PGBD5: variants seen among roughly 807,000 people sequenced by gnomAD.
PGBD5 encodes the protein piggyBac transposable element derived 5, also known as piggyBac transposable element-derived protein 5.
Under a neutral mutation model 47.9 loss-of-function variants are expected in PGBD5, and 14 were observed. That is an observed-to-expected ratio of 0.29 (90% confidence interval 0.19 to 0.46). PGBD5 has a LOEUF of 0.46. PGBD5 is among the 20% of genes least tolerant of loss of function. PGBD5 has a pLI of 1.00. For missense variants in PGBD5, 635 were observed against 716.0 expected, an observed-to-expected ratio of 0.89 and a Z score of 1.29; for synonymous variants, 316 against 306.3, an observed-to-expected ratio of 1.03 and a Z score of -0.33.
chr1:230,324,368 T>G (rs1312898683), intron 6 of PGBD5, among the ~76,000 whole-genome samples: 1 of 152,244 alleles, frequency 6.6e-6, no homozygotes, highest in Admixed American at 6.5e-5. Flanking sequence ...CAGTACATAG[T>G]AGGTGCTCAG....
At chr1:230,388,415 AT>A (rs1000234500) in intron 1 of PGBD5, among the ~76,000 whole-genome samples, 2,379 of 134,428 alleles carry the variant, frequency 0.018, 24 homozygotes, top group Middle Eastern at 0.039. Context: ...TGTTGGCCAC[AT>A]TTTTTTTTTT....
At position 230,318,536 on chromosome 1, in the gene PGBD5, C is replaced by T. The variant is rs1408582610; in HGVS notation, c.*4889G>A. ...CTGGGGACACTTTCCCTGGCCACTA[C>T]CTTGTGAACTTCTGGGGACTTCTTT... is the stretch of plus-strand genomic sequence containing the variant. On this transcript the variant is annotated 3_prime_UTR_variant, in exon 7 of 7. Transcript: ENST00000391860. 1.6e-4 allele frequency: 25 copies of T among 152,282 alleles called. No homozygotes were observed. The highest frequency in any genetic ancestry group is 1.6e-3 in the Admixed American group (25 of 15,290). The allele number at this position is 152,282 out of a possible 1,614,324, so 9.4% of individuals were successfully genotyped here. A position where few individuals can be genotyped will look rare whatever the true frequency, so the allele number is the denominator to read the frequency against.
rs1666937259 is a variant in PGBD5 at position 230,316,017 on chromosome 1, TGTATGTGTATA to T, written c.*7397_*7407del. ...ACATAAGTATATGTGTACACATATA[TGTATGTGTATA>T]CATACATAAGTATATGTGTACACAT... On this transcript the variant is annotated 3_prime_UTR_variant, in exon 7 of 7. Coordinates refer to ENST00000391860, the MANE Select transcript of PGBD5 (RefSeq NM_001258311.2). 2 of 142,670 alleles carry T rather than the reference TGTATGTGTATA, an allele frequency of 1.4e-5. No individual in the cohort carries two copies. Among genetic ancestry groups the T allele is most frequent in the South Asian group, 4.6e-4 (2 of 4,378 alleles). 8.8% of individuals were successfully genotyped at this position (142,670 alleles called of 1,614,324 possible).
At chr1:230,410,717 GA>G (rs1463117369) in intron 1 of PGBD5, among the ~76,000 whole-genome samples, 4 of 152,120 alleles carry the variant, frequency 2.6e-5, no homozygotes, top group Non-Finnish European at 5.9e-5. Context: ...CAATATTAAT[GA>G]AGGTATTTTA....
intron 5 of PGBD5, among the ~76,000 whole-genome samples, chr1:230,329,766 T>C (rs964164698): frequency 2.0e-5 from 3 of 152,238 alleles, no homozygotes; most frequent in Non-Finnish European, 4.4e-5. Flanking sequence ...CAACCCAGCC[T>C]GGCCACTAAA....
chr1:230,389,612 C>T (rs1418108138), intron 1 of PGBD5, among the ~76,000 whole-genome samples: 2 of 152,292 alleles, frequency 1.3e-5, no homozygotes, highest in Non-Finnish European at 2.9e-5. Flanking sequence ...AGAAGCAGGG[C>T]TTTTCCATTC....
Position 230,354,540 on chromosome 1 carries a change from T to C in PGBD5, c.759+2354A>G, listed in dbSNP as rs952114226. Among the ~76,000 whole-genome samples, 10 of 152,306 alleles carry C rather than the reference T, an allele frequency of 6.6e-5. No homozygotes were observed. In the South Asian group the frequency reaches 1.5e-3, roughly 22 times the overall value. Reference sequence around the variant, plus strand: ...TTATTTCATGTATTCAATTTTTTGATAACATGATTATATAACTTTTACCAA... The same window carrying C: ...TTATTTCATGTATTCAATTTTTTGACAACATGATTATATAACTTTTACCAA... On this transcript the variant is annotated intron_variant, in intron 2 of 6. Coordinates refer to ENST00000391860, the MANE Select transcript of PGBD5 (RefSeq NM_001258311.2).
At chr1:230,411,088 G>T (rs1657397527) in intron 1 of PGBD5, among the ~76,000 whole-genome samples, 1 of 152,014 alleles carries the variant, frequency 6.6e-6, no homozygotes, top group Admixed American at 6.6e-5. Flanking sequence ...ACCAGCCTAG[G>T]CAACATAGCA....
chr1:230,343,557 C>T (rs921285837), intron 3 of PGBD5, among the ~76,000 whole-genome samples: 2 of 152,218 alleles, frequency 1.3e-5, no homozygotes, highest in African/African-American at 4.8e-5. Flanking sequence ...TCTGCCTCAG[C>T]CAATCCCATC....
At position 230,357,050 on chromosome 1, in the gene PGBD5, G is replaced by A. The variant is rs548804256; in HGVS notation, c.603C>T (p.Leu201=). The stretch of plus-strand genomic sequence containing the variant: ...TCTCGAAGCGGGCCTGGCTCATGAC[G>A]AGGGCGAGGCTGCGGTTGCTGTAGA... ...GGFYSNRSLA[L]VMSQARFEKI... Residue 201 remains leucine, a synonymous_variant, in exon 2 of 7, where the codon CTC becomes CTT. Coordinates refer to ENST00000391860, the MANE Select transcript of PGBD5 (RefSeq NM_001258311.2). The surrounding 1 kb of genome is among the most constrained non-coding windows in gnomAD (Gnocchi z 5.7). 39 of 1,614,160 alleles carry A rather than the reference G, an allele frequency of 2.4e-5. No homozygotes were observed. The highest frequency in any genetic ancestry group is 1.6e-4 in the African/African-American group (12 of 75,028).
intron 1 of PGBD5, among the ~76,000 whole-genome samples, chr1:230,381,944 C>A (rs1455400572): frequency 6.6e-6 from 1 of 152,202 alleles, no homozygotes; most frequent in African/African-American, 2.4e-5. Context: ...CAGCTGCAAC[C>A]CTTTTCATGA....
intron 1 of PGBD5, among the ~76,000 whole-genome samples, chr1:230,367,369 G>A (rs12026370): frequency 0.1 from 15,800 of 152,196 alleles, 1,014 homozygotes; most frequent in East Asian, 0.21. Context: ...TGGAGAAAGG[G>A]ACCACGTCAC....
intron 1 of PGBD5, among the ~76,000 whole-genome samples, chr1:230,384,379 A>G (rs1192327472): frequency 2.0e-5 from 3 of 152,176 alleles, no homozygotes; most frequent in Non-Finnish European, 2.9e-5. Flanking sequence ...CAGCAGGTAC[A>G]GAAGTGTGGT....
chr1:230,392,950 G>A (rs1255334151), intron 1 of PGBD5, among the ~76,000 whole-genome samples: 3 of 151,808 alleles, frequency 2.0e-5, no homozygotes, highest in African/African-American at 7.3e-5. Context: ...ACTGGAGGGA[G>A]AGGCACAGGA....
intron 1 of PGBD5, among the ~76,000 whole-genome samples, chr1:230,380,065 G>T (rs997047477): frequency 6.6e-6 from 1 of 152,218 alleles, no homozygotes; most frequent in Non-Finnish European, 1.5e-5. Context: ...AGCAGGGGCC[G>T]TGTGCTATTT....
chr1:230,343,991 A>C (rs1289456190), intron 3 of PGBD5, among the ~76,000 whole-genome samples: 3 of 152,192 alleles, frequency 2.0e-5, no homozygotes, highest in Non-Finnish European at 2.9e-5. Flanking sequence ...AGTGGTTAAG[A>C]AGGTGGGATC....
intron 1 of PGBD5, among the ~76,000 whole-genome samples, chr1:230,367,113 T>C (rs866774608): frequency 6.6e-6 from 1 of 151,910 alleles, no homozygotes; most frequent in Non-Finnish European, 1.5e-5. Flanking sequence ...CTCAGCTTTC[T>C]CCCTCCCCGC....
chr1:230,320,506 C>G lies in PGBD5; in HGVS notation c.*2919G>C, dbSNP rs566394414. 1 of 152,214 alleles carries G rather than the reference C, an allele frequency of 6.6e-6. No individual in the cohort carries two copies. The highest frequency in any genetic ancestry group is 1.5e-5 in the Non-Finnish European group (1 of 68,066). 9.4% of individuals were successfully genotyped at this position (152,214 alleles called of 1,614,324 possible). On this transcript the variant is annotated 3_prime_UTR_variant, in exon 7 of 7. Transcript: ENST00000391860. ...GCAGCAGAGACATCCCTCAGGGGAT[C>G]GGCTTGGCTTAGTGGCTGGATCTGA...
chr1:230,329,934 G>C (rs939022205), intron 5 of PGBD5, among the ~76,000 whole-genome samples: 1 of 152,214 alleles, frequency 6.6e-6, no homozygotes, highest in Non-Finnish European at 1.5e-5. Flanking sequence ...TGAGAGCAGA[G>C]AAGGTATCAA....
Sources: allele counts gnomAD v4.1 joint callset (sites outside exome capture counted in the v4.1 genomes callset), GRCh38; gene constraint gnomAD v4.1.1; non-coding constraint Gnocchi (gnomAD v3.1); transcripts MANE v1.5; gene names NCBI Gene and HGNC (gene_info 2026-07-23, HGNC 2026-07-21).